TAFA2: variants seen among roughly 807,000 people sequenced by gnomAD.
The protein encoded by TAFA2 is TAFA chemokine like family member 2, also known as chemokine-like protein TAFA-2.
TAFA2 carries 7 observed loss-of-function variants against 18.8 expected under a neutral mutation model. That is an observed-to-expected ratio of 0.37 (90% CI 0.21 to 0.70). TAFA2 has a LOEUF of 0.70. TAFA2 is among the 30% of genes least tolerant of loss of function. The pLI, the probability that TAFA2 is intolerant of heterozygous loss-of-function variation, is 0.53. For synonymous variants in TAFA2, 60 were observed against 54.2 expected (o/e 1.11, Z -0.47); for missense variants, 122 against 158.1 (o/e 0.77, Z 1.23).
At chr12:62,100,336 G>A (rs1322971749) in intron 1 of TAFA2, among the ~76,000 whole-genome samples, 1 of 152,030 alleles carries the variant, frequency 6.6e-6, no homozygotes, top group African/African-American at 2.4e-5. Flanking sequence ...GGCCTCCTTG[G>A]TTTATTCCCT....
chr12:62,151,372 C>T (rs1196959355), intron 1 of TAFA2, among the ~76,000 whole-genome samples: 1 of 152,198 alleles, frequency 6.6e-6, no homozygotes, highest in Non-Finnish European at 1.5e-5. Context: ...GAAAGTCTTT[C>T]GCCACAGAGG....
At chr12:61,890,573 T>C (rs1318108215) in intron 1 of TAFA2, 2 of 152,232 alleles carry the variant, frequency 1.3e-5, no homozygotes, top group Admixed American at 6.5e-5. Flanking sequence ...GCATTTCCTA[T>C]ACCAGAGGGA....
chr12:62,081,897 A>G (rs543520430), intron 1 of TAFA2, among the ~76,000 whole-genome samples: 2 of 152,190 alleles, frequency 1.3e-5, no homozygotes, highest in East Asian at 1.9e-4. Flanking sequence ...TCACCTAGGT[A>G]TTAGGCCCAG....
chr12:61,900,810 T>G (rs1241718317), intron 1 of TAFA2, among the ~76,000 whole-genome samples: 1 of 152,242 alleles, frequency 6.6e-6, no homozygotes, highest in Non-Finnish European at 1.5e-5. Context: ...TTACTATGCA[T>G]TTACCTGAGT....
intron 1 of TAFA2, among the ~76,000 whole-genome samples, chr12:62,201,589 A>C (rs752173127): frequency 1.2e-4 from 19 of 152,194 alleles, no homozygotes; most frequent in Non-Finnish European, 2.6e-4. Context: ...GGATGAAGAC[A>C]ACTTGATCAT....
At chr12:62,085,318 GTGTTA>G (rs1478126335) in intron 1 of TAFA2, among the ~76,000 whole-genome samples, 16 of 152,160 alleles carry the variant, frequency 1.1e-4, no homozygotes, top group Admixed American at 8.5e-4. Flanking sequence ...TGTTATATTT[GTGTTA>G]TGTTATGTTT....
chr12:62,138,831 T>G (rs2062218011), intron 1 of TAFA2, among the ~76,000 whole-genome samples: 1 of 152,234 alleles, frequency 6.6e-6, no homozygotes, highest in Non-Finnish European at 1.5e-5. Flanking sequence ...ACAGAAACGT[T>G]CATTTTAATT....
At chr12:62,175,582 C>G (rs1178611306) in intron 1 of TAFA2, among the ~76,000 whole-genome samples, 1 of 152,078 alleles carries the variant, frequency 6.6e-6, no homozygotes, top group Admixed American at 6.6e-5. Context: ...TTTCACTTTG[C>G]CACATCTTCA....
At chr12:62,118,566 C>T (rs1400686478) in intron 1 of TAFA2, among the ~76,000 whole-genome samples, 2 of 152,036 alleles carry the variant, frequency 1.3e-5, no homozygotes, top group Non-Finnish European at 2.9e-5. Context: ...AATGATTGCA[C>T]CAATTTGCCC....
At chr12:61,872,085 TAAA>T (rs1874633579) in intron 1 of TAFA2, among the ~76,000 whole-genome samples, 1 of 150,416 alleles carries the variant, frequency 6.6e-6, no homozygotes, top group Admixed American at 6.6e-5. Flanking sequence ...AAGCAAGAAA[TAAA>T]AAACTGTTAT....
intron 1 of TAFA2, among the ~76,000 whole-genome samples, chr12:61,933,620 G>A (rs543848507): frequency 1.4e-4 from 21 of 152,236 alleles, no homozygotes; most frequent in Non-Finnish European, 2.1e-4. Context: ...AGCTGAGGCC[G>A]ACAGGAGACT....
intron 4 of TAFA2, among the ~76,000 whole-genome samples, chr12:61,714,037 A>G (rs1869534560): frequency 6.6e-6 from 1 of 152,184 alleles, no homozygotes; most frequent in African/African-American, 2.4e-5. Flanking sequence ...TCTAAGGAAG[A>G]TTTTTGGCAA....
At chr12:61,786,750 C>A (rs1029274907) in intron 2 of TAFA2, among the ~76,000 whole-genome samples, 1 of 151,252 alleles carries the variant, frequency 6.6e-6, no homozygotes, top group Non-Finnish European at 1.5e-5. Context: ...AGGAAGTATA[C>A]TATTATAAGG....
chr12:61,879,334 TC>T, intron 1 of TAFA2: 1 of 623,916 alleles, frequency 1.6e-6, no homozygotes, highest in South Asian at 2.1e-5. Flanking sequence ...ATCAAGGTGA[TC>T]CAGAAGTCCT....
At chr12:61,980,248 C>G (rs1463690848) in intron 1 of TAFA2, among the ~76,000 whole-genome samples, 1 of 152,130 alleles carries the variant, frequency 6.6e-6, no homozygotes, top group African/African-American at 2.4e-5. Context: ...CGACAAAATT[C>G]AACAGCGCTT....
At chr12:62,023,771 C>T (rs1881223567) in intron 1 of TAFA2, 1 of 151,956 alleles carries the variant, frequency 6.6e-6, no homozygotes, top group Non-Finnish European at 1.5e-5. Context: ...ACAGTCTGAA[C>T]TTGACATGCT....
chr12:61,731,916 C>T (rs1870469079), intron 4 of TAFA2, among the ~76,000 whole-genome samples: 1 of 152,016 alleles, frequency 6.6e-6, no homozygotes, highest in Non-Finnish European at 1.5e-5. Context: ...TGAGCATGTA[C>T]TAAGTGGGAG....
chr12:62,063,577 C>T (rs926258307), intron 1 of TAFA2, among the ~76,000 whole-genome samples: 4 of 152,090 alleles, frequency 2.6e-5, no homozygotes, highest in East Asian at 1.9e-4. Flanking sequence ...TACAGAGACA[C>T]CGAAGTGTTC....
intron 4 of TAFA2, among the ~76,000 whole-genome samples, chr12:61,749,466 T>C (rs1350891839): frequency 2.0e-5 from 3 of 152,076 alleles, no homozygotes; most frequent in Non-Finnish European, 4.4e-5. Flanking sequence ...GCTAAGTAAA[T>C]GCTTCTGTAT....
Sources: gnomAD v4.1 joint callset for allele counts (sites outside exome capture counted in the v4.1 genomes callset) on GRCh38, gnomAD v4.1.1 for gene constraint, MANE v1.5 for transcripts, NCBI Gene and HGNC (gene_info 2026-07-23, HGNC 2026-07-21) for gene names.